The following ATP8B1 variants were observed in gnomAD, a reference collection of about 807,000 sequenced individuals.
ATP8B1 encodes the protein phospholipid-transporting ATPase IC.
ATP8B1 carries 80 observed loss-of-function variants against 149.9 expected under a neutral mutation model. The ratio of observed to expected loss-of-function variants is 0.53; its 90% CI spans 0.45 to 0.64. ATP8B1 has a LOEUF of 0.64. Ranked by LOEUF, ATP8B1 falls within the 30% of genes least tolerant of loss-of-function variation. ATP8B1 has a pLI of 0.00. For missense variants in ATP8B1, 1,247 were observed against 1,552.6 expected (o/e 0.80, Z 3.31); for synonymous variants, 536 against 562.8 (o/e 0.95, Z 0.67).
At chr18:57,708,587 C>A (rs1042129940) in intron 2 of ATP8B1, 1 of 152,168 alleles carries the variant, frequency 6.6e-6, no homozygotes, top group Non-Finnish European at 1.5e-5. Context: ...ATCCCCACCA[C>A]CAGGGTTCTA....
intron 4 of ATP8B1, among the ~76,000 whole-genome samples, chr18:57,702,705 A>C (rs1277372069): frequency 6.6e-6 from 1 of 152,088 alleles, no homozygotes; most frequent in Non-Finnish European, 1.5e-5. Context: ...TAAAAATACA[A>C]AATTAGCCAG....
intron 16 of ATP8B1, 36 bp downstream of exon 16, chr18:57,674,798 T>TGAGC: frequency 6.2e-7 from 1 of 1,607,888 alleles, no homozygotes; most frequent in Non-Finnish European, 8.5e-7. Flanking sequence ...AACATCTAAA[T>TGAGC]GAGCGATTCA....
intron 20 of ATP8B1, among the ~76,000 whole-genome samples, chr18:57,664,093 A>C (rs1910702753): frequency 7.1e-6 from 1 of 140,318 alleles, no homozygotes; most frequent in African/African-American, 2.7e-5. Context: ...TTTTTAACTG[A>C]GCGACATGTA....
chr18:57,769,785 T>C (rs2080249392), intron 1 of ATP8B1, among the ~76,000 whole-genome samples: 1 of 152,208 alleles, frequency 6.6e-6, no homozygotes, highest in Non-Finnish European at 1.5e-5. Flanking sequence ...GAACTTTTAT[T>C]TGTAATTCTG....
chr18:57,790,050 C>T (rs2080447716), intron 1 of ATP8B1, among the ~76,000 whole-genome samples: 1 of 152,196 alleles, frequency 6.6e-6, no homozygotes, highest in Non-Finnish European at 1.5e-5. Context: ...AAAACTACTC[C>T]TTGGTCTCAG....
rs1198273869 is a variant in ATP8B1 at position 57,662,597 on chromosome 18, C to G, written c.2304G>C (p.Arg768Ser). The change falls in exon 21 of 28, where the codon AGG (arginine) becomes AGC (serine). Residue 768 changes from arginine to serine, a missense_variant. Physicochemically the swap from Arg to Ser is moderately radical, Grantham distance 110. This residue lies in a region of ATP8B1 where 853 missense variants were observed against 1,035.7 expected (regional missense o/e 0.82). Coordinates refer to ENST00000648908, the MANE Select transcript of ATP8B1 (RefSeq NM_001374385.1). ...CACCTCTATTCCTCTGGTTTTCCAT[C>G]CTTGCATGAAGAAGAGAACTAGGGG... The part of the protein sequence containing the change: ...GEDINSLLHA[R>S]MENQRNRGGV... 1.2e-6 allele frequency: 2 copies of G among 1,614,026 alleles called. No individual in the cohort carries two copies. The highest frequency in any genetic ancestry group is 8.5e-7 in the Non-Finnish European group (1 of 1,180,032).
At chr18:57,681,153 A>G (rs1251326443) in intron 15 of ATP8B1, among the ~76,000 whole-genome samples, 1 of 152,184 alleles carries the variant, frequency 6.6e-6, no homozygotes, top group African/African-American at 2.4e-5. Context: ...GCAGCATGAA[A>G]AAGGTTCAAT....
chr18:57,720,630 T>C (rs1185491968), intron 2 of ATP8B1, among the ~76,000 whole-genome samples: 21 of 118,152 alleles, frequency 1.8e-4, no homozygotes, highest in Non-Finnish European at 3.3e-4. Flanking sequence ...TTGGTGTACC[T>C]GAAAGTGATG....
chr18:57,746,556 C>T (rs932784921), intron 1 of ATP8B1, among the ~76,000 whole-genome samples: 2 of 149,594 alleles, frequency 1.3e-5, no homozygotes, highest in South Asian at 2.1e-4. Context: ...TCACTACAAC[C>T]TCCGCCTCCC....
At chr18:57,653,689 T>C (rs199809839) in intron 24 of ATP8B1, among the ~76,000 whole-genome samples, 1 of 95,174 alleles carries the variant, frequency 1.1e-5, no homozygotes, top group African/African-American at 3.0e-5. Context: ...TCTCTTTTTT[T>C]TTTTTTTTTT....
intron 2 of ATP8B1, among the ~76,000 whole-genome samples, chr18:57,729,243 G>A (rs1013731040): frequency 6.6e-6 from 1 of 152,070 alleles, no homozygotes; most frequent in Non-Finnish European, 1.5e-5. Context: ...GTCTGATGGC[G>A]TGCCACCAAG....
chr18:57,722,121 A>G (rs979812191), intron 2 of ATP8B1, among the ~76,000 whole-genome samples: 2 of 148,548 alleles, frequency 1.3e-5, no homozygotes, highest in African/African-American at 5.0e-5. Flanking sequence ...AATTTATAGC[A>G]CTAAATGCCC....
chr18:57,714,194 T>C (rs913330959), intron 2 of ATP8B1, among the ~76,000 whole-genome samples: 17 of 152,202 alleles, frequency 1.1e-4, no homozygotes, highest in African/African-American at 4.1e-4. Flanking sequence ...GAGAGGCCCC[T>C]GAGCCTGTGG....
chr18:57,700,936 T>C, intron 6 of ATP8B1, 103 bp downstream of exon 6: 1 of 1,239,412 alleles, frequency 8.1e-7, no homozygotes, highest in Admixed American at 1.7e-5. Context: ...AAACAGTTAA[T>C]GTACTAATAG....
At chr18:57,713,209 T>TCTTTCTTTCTC (rs1913799434) in intron 2 of ATP8B1, among the ~76,000 whole-genome samples, 1 of 125,338 alleles carries the variant, frequency 8.0e-6, no homozygotes, top group African/African-American at 3.2e-5. Context: ...CCTTCCTTCC[T>TCTTTCTTTCTC]TCCTTCCTTC....
At position 57,784,306 on chromosome 18, in the gene ATP8B1, C is replaced by T. The variant is rs570645183; in HGVS notation, c.-26+18692G>A. Among the ~76,000 whole-genome samples the T allele has an allele frequency of 6.6e-6, 1 of 152,254 alleles. No individual in the cohort carries two copies. Among genetic ancestry groups the T allele is most frequent in the South Asian group, 2.1e-4 (1 of 4,812 alleles). On this transcript the variant is annotated intron_variant, in intron 1 of 27. Transcript: ENST00000648908. The surrounding 1 kb of genome is among the most constrained non-coding windows in gnomAD (Gnocchi z 4.4). ...GTTAAAACCACAGCATGAGCTACTG[C>T]AAGGGTTGGCAGGATCTGAGTGGGT... is the stretch of plus-strand genomic sequence containing the variant.
chr18:57,650,447 G>A lies in ATP8B1; in HGVS notation c.3451C>T (p.Leu1151=). The change falls in exon 27 of 28, where the codon CTG becomes TTG. Residue 1151 remains leucine (L), a synonymous_variant. Coordinates refer to ENST00000648908, the MANE Select transcript of ATP8B1 (RefSeq NM_001374385.1). ...GGTAGTAAGCACACAGCAACAGCCAGGATGATAGTTAACCAAATGTATGGC... is the reference window on the plus strand; with the variant it reads ...GGTAGTAAGCACACAGCAACAGCCAAGATGATAGTTAACCAAATGTATGGC... The part of the protein sequence containing the change: ...RQPYIWLTII[L]AVAVCLLPVV... The A allele has an allele frequency of 6.2e-7, 1 of 1,613,932 alleles. No individual in the cohort carries two copies. Among genetic ancestry groups the A allele is most frequent in the Non-Finnish European group, 8.5e-7 (1 of 1,179,862 alleles).
At chr18:57,715,067 C>G (rs1599147022) in intron 2 of ATP8B1, among the ~76,000 whole-genome samples, 1 of 152,170 alleles carries the variant, frequency 6.6e-6, no homozygotes, top group South Asian at 2.1e-4. Flanking sequence ...AGAAGACATT[C>G]AGAACTCTAT....
At position 57,648,591 on chromosome 18, in the gene ATP8B1, G is replaced by A. The variant is rs1909347514; in HGVS notation, c.3653C>T (p.Ala1218Val). ...GCTGCGCCCGGAGGAGATGAGGTCCGCGTAGCCCCGCTGGTGCGAGAAGGC... is the reference window on the plus strand; with the variant it reads ...GCTGCGCCCGGAGGAGATGAGGTCCACGTAGCCCCGCTGGTGCGAGAAGGC... The part of the protein sequence containing the change: ...AYAFSHQRGY[A>V]DLISSGRSIR... Residue 1218 changes from alanine to valine, a missense_variant, in exon 28 of 28, where the codon GCG becomes GTG. Ala to Val is a moderately conservative substitution (Grantham distance 64). Around this residue, in one of 3 missense-constraint regions of ATP8B1, gnomAD observed 164 missense variants for 160.3 expected, o/e 1.02. Coordinates refer to ENST00000648908, the MANE Select transcript of ATP8B1 (RefSeq NM_001374385.1). 1 of 1,611,168 alleles carries A rather than the reference G, an allele frequency of 6.2e-7. No individual in the cohort carries two copies. The highest frequency in any genetic ancestry group is 8.5e-7 in the Non-Finnish European group (1 of 1,179,806).
Sources: gnomAD v4.1 joint callset for allele counts (sites outside exome capture counted in the v4.1 genomes callset) on GRCh38, gnomAD v4.1.1 for gene constraint, gnomAD v4.1.1 regional missense constraint, Gnocchi (gnomAD v3.1) non-coding constraint, MANE v1.5 for transcripts, NCBI Gene and HGNC (gene_info 2026-07-23, HGNC 2026-07-21) for gene names.